ZMYM4: variants seen among roughly 807,000 people sequenced by gnomAD.
The protein encoded by ZMYM4 is zinc finger MYM-type protein 4.
Under a neutral mutation model 183.2 loss-of-function variants are expected in ZMYM4, and 31 were observed. That is an observed-to-expected ratio of 0.17 (90% CI 0.13 to 0.23). The LOEUF is 0.23. Ranked by LOEUF, ZMYM4 falls within the 10% of genes least tolerant of loss-of-function variation. The pLI is 1.00. For synonymous variants in ZMYM4, 592 were observed against 631.2 expected, an observed-to-expected ratio of 0.94 and a Z score of 0.93; for missense variants, 1,273 against 1,840.3, an observed-to-expected ratio of 0.69 and a Z score of 5.64.
At chr1:35,412,032 C>T (rs951328559) in intron 26 of ZMYM4, among the ~76,000 whole-genome samples, 1 of 152,008 alleles carries the variant, frequency 6.6e-6, no homozygotes, top group Non-Finnish European at 1.5e-5. Context: ...TACAGGCGCC[C>T]GCCACCGCGC....
At chr1:35,293,406 C>T (rs1229554393) in intron 1 of ZMYM4, among the ~76,000 whole-genome samples, 2 of 151,784 alleles carry the variant, frequency 1.3e-5, no homozygotes, top group East Asian at 1.9e-4. Context: ...CTGTGCCTCC[C>T]GGGTTCAAGT....
chr1:35,401,457 C>A (rs922137474), intron 23 of ZMYM4, among the ~76,000 whole-genome samples: 1 of 152,048 alleles, frequency 6.6e-6, no homozygotes, highest in Non-Finnish European at 1.5e-5. Context: ...TCACAGTTTT[C>A]GCACATTTTT....
At chr1:35,417,339 C>G (rs562193476) in intron 28 of ZMYM4, among the ~76,000 whole-genome samples, 1 of 152,136 alleles carries the variant, frequency 6.6e-6, no homozygotes, top group South Asian at 2.1e-4. Flanking sequence ...GCCCACTTTC[C>G]GTATCTTCAC....
At chr1:35,272,516 A>G (rs1188343453) in intron 1 of ZMYM4, among the ~76,000 whole-genome samples, 1 of 152,144 alleles carries the variant, frequency 6.6e-6, no homozygotes, top group East Asian at 1.9e-4. Context: ...TTGCTGACTT[A>G]TTTTTGTAAG....
chr1:35,305,678 G>C (rs1226954108), intron 1 of ZMYM4, among the ~76,000 whole-genome samples: 1 of 151,998 alleles, frequency 6.6e-6, no homozygotes, highest in Non-Finnish European at 1.5e-5. Flanking sequence ...CAAGTAGCTG[G>C]AACTACAGGT....
intron 1 of ZMYM4, among the ~76,000 whole-genome samples, chr1:35,281,741 A>G (rs554602461): frequency 1.1e-4 from 16 of 152,042 alleles, no homozygotes; most frequent in Non-Finnish European, 2.1e-4. Flanking sequence ...AAGTACATAA[A>G]CAATATTGTG....
rs960966479 is a variant in ZMYM4 at position 35,393,717 on chromosome 1, C to T, written c.2889C>T (p.Thr963=). ...AAGCCACCTCTTGCAAACCACATAC[C>T]CAAAACAAAGAATGCCAGACAGGTA... ...QTKATSCKPH[T]QNKECQTEDT... Residue 963 remains threonine, a synonymous_variant, in exon 18 of 30, where the codon ACC becomes ACT. Transcript: ENST00000314607. 8.7e-6 allele frequency: 14 copies of T among 1,608,754 alleles called. No homozygotes were observed. The highest frequency in any genetic ancestry group is 1.2e-5 in the Non-Finnish European group (14 of 1,177,594).
At chr1:35,396,452 T>C (rs1644809950) in intron 18 of ZMYM4, 100 bp from the exon 19 acceptor site, 1 of 1,510,570 alleles carries the variant, frequency 6.6e-7, no homozygotes, top group Non-Finnish European at 8.9e-7. Context: ...GTTACTCTTA[T>C]TTTGAACTAT....
At chr1:35,283,699 T>G (rs954651431) in intron 1 of ZMYM4, among the ~76,000 whole-genome samples, 2 of 152,090 alleles carry the variant, frequency 1.3e-5, no homozygotes, top group African/African-American at 2.4e-5. Context: ...ATGCTGAACA[T>G]TTTTTCATGT....
At chr1:35,310,292 A>ATGATT (rs1169294477) in intron 1 of ZMYM4, 1 of 206,772 alleles carries the variant, frequency 4.8e-6, no homozygotes, top group East Asian at 1.5e-4. Flanking sequence ...ATTGTTGTAG[A>ATGATT]TGATTTGAAA....
chr1:35,327,048 A>G (rs537971458), intron 2 of ZMYM4, among the ~76,000 whole-genome samples: 1 of 152,180 alleles, frequency 6.6e-6, no homozygotes, highest in East Asian at 1.9e-4. Context: ...TTTGGTAGAG[A>G]TGGGGTTTTA....
intron 1 of ZMYM4, among the ~76,000 whole-genome samples, chr1:35,292,752 G>A (rs565044601): frequency 2.6e-5 from 4 of 152,056 alleles, no homozygotes; most frequent in African/African-American, 9.6e-5. Context: ...CACTCGCCTC[G>A]GCCTCCCAAA....
chr1:35,280,255 TCTCTTTCTCTCTCTCTCTCTCTCTCC>T lies in ZMYM4; in HGVS notation c.39+11175_39+11200del, dbSNP rs1640089057. 2.2e-5 allele frequency among the ~76,000 whole-genome samples: 3 copies of T among 133,404 alleles called. No homozygotes were observed. The South Asian group carries it at 7.5e-4, about 34-fold the overall frequency. The allele number at this position is 133,404 out of a possible 152,430, so 87.5% of individuals were successfully genotyped here. A position where few individuals can be genotyped will look rare whatever the true frequency, so the allele number is the denominator to read the frequency against. On this transcript the variant is annotated intron_variant, in intron 1 of 29. Transcript: ENST00000314607. ...TTCTCTTTCTTTCTCTCTTTCTTTCTCTCTTTCTCTCTCTCTCTCTCTCTCCCTCTCTCTCTCTTCTTTCTTTGTTT... is the reference window on the plus strand; with the variant it reads ...TTCTCTTTCTTTCTCTCTTTCTTTCTCTCTCTCTCTCTTCTTTCTTTGTTT...
chr1:35,393,610 G>A lies in ZMYM4; in HGVS notation c.2782G>A (p.Asp928Asn), dbSNP rs1484855854. The change falls in exon 18 of 30, where the codon GAT becomes AAT. Residue 928 changes from aspartate (D) to asparagine (N), a missense_variant. Physicochemically the swap from Asp to Asn is conservative, Grantham distance 23. Around this residue, in one of 6 missense-constraint regions of ZMYM4, gnomAD observed 290 missense variants for 353.3 expected, o/e 0.82. Transcript: ENST00000314607. ...TTTTTACTAGGCAAGTACTCAAACA[G>A]ATGCCCTGAAACTGCCACCTTCCCA... is the stretch of plus-strand genomic sequence containing the variant. ...KIIGDASTQT[D>N]ALKLPPSQPP... 3.7e-6 allele frequency: 6 copies of A among 1,608,804 alleles called. No individual in the cohort carries two copies. Among genetic ancestry groups the A allele is most frequent in the Middle Eastern group, 1.7e-4 (1 of 6,036 alleles).
In ZMYM4 at chr1:35,419,781, A is replaced by T; in HGVS notation, c.*104A>T. The stretch of plus-strand genomic sequence containing the variant: ...TATAAGTCTAAGTCCTCTTGACTTG[A>T]CCATAAGATCATGGAAAACAGATGA... On this transcript the variant is annotated 3_prime_UTR_variant, in exon 30 of 30. Coordinates refer to ENST00000314607, the MANE Select transcript of ZMYM4 (RefSeq NM_005095.3). 1.0e-5 allele frequency: 12 copies of T among 1,158,950 alleles called. No individual in the cohort carries two copies. The highest frequency in any genetic ancestry group is 1.0e-4 in the East Asian group (4 of 39,158). 71.8% of individuals were successfully genotyped at this position (1,158,950 alleles called of 1,614,324 possible).
chr1:35,351,026 G>A, intron 2 of ZMYM4: 1 of 905,866 alleles, frequency 1.1e-6, no homozygotes, highest in Non-Finnish European at 1.8e-6. Flanking sequence ...GTACTGGCCT[G>A]CTGCTGGCCC....
chr1:35,396,633 C>T lies in ZMYM4; in HGVS notation c.2993C>T (p.Thr998Ile). 1 of 1,613,768 alleles carries T rather than the reference C, an allele frequency of 6.2e-7. No homozygotes were observed. Among genetic ancestry groups the T allele is most frequent in the Non-Finnish European group, 8.5e-7 (1 of 1,179,734 alleles). ...VFVPIPLHLY[T>I]QYAPVPFGIP... ...GTTCCCATACCTCTTCACCTTTATACTCAATATGCTCCAGTCCCATTTGGA... is the reference window on the plus strand; with the variant it reads ...GTTCCCATACCTCTTCACCTTTATATTCAATATGCTCCAGTCCCATTTGGA... The change falls in exon 19 of 30, where the codon ACT becomes ATT. Residue 998 changes from threonine (T) to isoleucine (I), a missense_variant. Physicochemically the swap from Thr to Ile is moderately conservative, Grantham distance 89 (BLOSUM62 -1). This residue lies in a region of ZMYM4 where 290 missense variants were observed against 353.3 expected (regional missense o/e 0.82). Transcript: ENST00000314607.
intron 1 of ZMYM4, among the ~76,000 whole-genome samples, chr1:35,308,354 T>C (rs1641640671): frequency 1.3e-5 from 2 of 152,282 alleles, no homozygotes; most frequent in African/African-American, 2.4e-5. Flanking sequence ...ACCTACTGTG[T>C]CCCACACAAA....
chr1:35,382,719 G>T (rs901643741), intron 9 of ZMYM4, among the ~76,000 whole-genome samples: 3 of 151,902 alleles, frequency 2.0e-5, no homozygotes, highest in African/African-American at 7.3e-5. Context: ...CCTGTGCTGG[G>T]ATTACAGGTG....
Sources: gnomAD v4.1 joint callset for allele counts (sites outside exome capture counted in the v4.1 genomes callset) on GRCh38, gnomAD v4.1.1 for gene constraint, gnomAD v4.1.1 regional missense constraint, MANE v1.5 for transcripts, NCBI Gene and HGNC (gene_info 2026-07-23, HGNC 2026-07-21) for gene names.